Variants in MEMO1 observed in about 807,000 individuals in gnomAD.
MEMO1 encodes protein MEMO1.
Under a neutral mutation model 45.2 loss-of-function variants are expected in MEMO1, and 6 were observed. The ratio of observed to expected loss-of-function variants is 0.13; its 90% confidence interval spans 0.07 to 0.26. The LOEUF is 0.26. Among genes scored for constraint, MEMO1 ranks in the 10% least tolerant of loss-of-function variants. The pLI is 1.00. For missense variants in MEMO1, 184 were observed against 370.5 expected (o/e 0.50, Z 4.13); for synonymous variants, 78 against 124.3 (o/e 0.63, Z 2.48).
chr2:31,994,684 C>T (rs962223565), intron 2 of MEMO1, among the ~76,000 whole-genome samples: 1 of 152,068 alleles, frequency 6.6e-6, no homozygotes, highest in Non-Finnish European at 1.5e-5. Context: ...CACAGTGGCT[C>T]ATGCCTATAA....
At chr2:31,934,288 C>A (rs1451573186) in intron 3 of MEMO1, among the ~76,000 whole-genome samples, 26 of 152,116 alleles carry the variant, frequency 1.7e-4, no homozygotes. Context: ...AGGCTCTAAT[C>A]CCCAATCCAT....
intron 3 of MEMO1, among the ~76,000 whole-genome samples, chr2:31,939,313 T>C (rs1665334859): frequency 6.6e-6 from 1 of 152,216 alleles, no homozygotes; most frequent in Non-Finnish European, 1.5e-5. Context: ...TTATACGTTA[T>C]ATACAAAGTC....
chr2:31,909,445 G>C (rs923327261), intron 6 of MEMO1, among the ~76,000 whole-genome samples: 1 of 152,070 alleles, frequency 6.6e-6, no homozygotes, highest in African/African-American at 2.4e-5. Context: ...AAAATCAGTA[G>C]CATTTCTATA....
At chr2:32,003,243 A>T (rs1673632564) in intron 2 of MEMO1, among the ~76,000 whole-genome samples, 1 of 152,094 alleles carries the variant, frequency 6.6e-6, no homozygotes, top group South Asian at 2.1e-4. Context: ...AATTGTTTAG[A>T]AACATAGTAG....
rs1677084859 is a variant in MEMO1, at chr2:31,892,249, G to C, written c.438-115C>G. 3.5e-6 allele frequency: 3 copies of C among 862,730 alleles called. No homozygotes were observed. In the South Asian group the frequency reaches 6.3e-5, roughly 18 times the overall value. 53.4% of individuals were successfully genotyped at this position (862,730 alleles called of 1,614,324 possible). A position where few individuals can be genotyped will look rare whatever the true frequency, so the allele number is the denominator to read the frequency against. ...ATTAATAGTGGTAAGGATAACATAT[G>C]TAATTATTATTGATGAATTCTTAAA... is the stretch of plus-strand genomic sequence containing the variant. On this transcript the variant is annotated intron_variant, in intron 6 of 9. Transcript: ENST00000404530.
intron 2 of MEMO1, among the ~76,000 whole-genome samples, chr2:32,000,814 C>A (rs1291264721): frequency 4.6e-5 from 7 of 151,536 alleles, no homozygotes; most frequent in African/African-American, 1.7e-4. Context: ...CATGACATAG[C>A]CCTCAAGAGG....
At chr2:31,908,104 C>T (rs1283321667) in intron 6 of MEMO1, among the ~76,000 whole-genome samples, 1 of 152,082 alleles carries the variant, frequency 6.6e-6, no homozygotes, top group Non-Finnish European at 1.5e-5. Flanking sequence ...TTACATGGTA[C>T]TTGGGTCATT....
intron 2 of MEMO1, among the ~76,000 whole-genome samples, chr2:31,999,846 T>C (rs987563309): frequency 5.3e-5 from 8 of 151,986 alleles, no homozygotes; most frequent in African/African-American, 1.9e-4. Flanking sequence ...CCAGATAATG[T>C]ACAATACAAG....
rs187241054 is a variant in MEMO1, at chr2:31,967,329, G to A, written c.62-23946C>T. Among the ~76,000 whole-genome samples, 635 of 152,224 alleles carry A rather than the reference G, an allele frequency of 4.2e-3. 9 individuals are homozygous for A. Among genetic ancestry groups the A allele is most frequent in the African/African-American group, 0.015 (623 of 41,548 alleles). Reference sequence around the variant, plus strand: ...TTTAGTAGAGATGGGGTTTCACCATGTTAGCCAGGATGTCTCGATCTCCTG... The same window carrying A: ...TTTAGTAGAGATGGGGTTTCACCATATTAGCCAGGATGTCTCGATCTCCTG... On this transcript the variant is annotated intron_variant, in intron 2 of 9. Coordinates refer to ENST00000404530, the MANE Select transcript of MEMO1 (RefSeq NM_001301833.4).
chr2:32,004,084 G>A (rs1199938521), intron 2 of MEMO1, among the ~76,000 whole-genome samples: 1 of 152,162 alleles, frequency 6.6e-6, no homozygotes. Context: ...AGGAAGCTGA[G>A]GCAGGGGGAT....
At chr2:31,873,902 T>C (rs1276773749) in intron 8 of MEMO1, among the ~76,000 whole-genome samples, 1 of 152,122 alleles carries the variant, frequency 6.6e-6, no homozygotes, top group East Asian at 1.9e-4. Context: ...CTAAGTAATG[T>C]ACTAATAAAT....
intron 3 of MEMO1, among the ~76,000 whole-genome samples, chr2:31,933,383 A>ATATATATG (rs1185585265): frequency 1.8e-5 from 2 of 112,636 alleles, no homozygotes; most frequent in African/African-American, 6.4e-5. Flanking sequence ...ATATATATAT[A>ATATATATG]GAAAGGGGAA....
intron 3 of MEMO1, 149 bp downstream of exon 3, chr2:31,943,153 T>C: frequency 1.5e-6 from 1 of 655,824 alleles, no homozygotes. Context: ...TAGTCCCAAC[T>C]GCTCAGGAGG....
At chr2:31,963,867 G>A (rs920345775) in intron 2 of MEMO1, among the ~76,000 whole-genome samples, 2 of 152,108 alleles carry the variant, frequency 1.3e-5, no homozygotes, top group Non-Finnish European at 1.5e-5. Context: ...CTAATACTGA[G>A]ATGTGCTATA....
intron 2 of MEMO1, among the ~76,000 whole-genome samples, chr2:31,954,422 T>C (rs1667180590): frequency 6.6e-6 from 1 of 152,134 alleles, no homozygotes; most frequent in Non-Finnish European, 1.5e-5. Flanking sequence ...CTGTTTAACA[T>C]ACCAAGACCT....
chr2:31,891,895 A>C lies in MEMO1; in HGVS notation c.580+97T>G, dbSNP rs3754836. ...GCCAGAAGTAAAACTTTCCAAGGAA[A>C]GTGATAAAAAACTGAAAATCAGAGC... is the stretch of plus-strand genomic sequence containing the variant. On this transcript the variant is annotated intron_variant, in intron 7 of 9. Coordinates refer to ENST00000404530, the MANE Select transcript of MEMO1 (RefSeq NM_001301833.4). 5,206 of 1,261,516 alleles carry C rather than the reference A, an allele frequency of 4.1e-3. 145 individuals are homozygous for C. The East Asian group carries it at 0.072, about 17-fold the overall frequency. The allele number at this position is 1,261,516 out of a possible 1,614,324, so 78.1% of individuals were successfully genotyped here.
chr2:31,972,279 T>C (rs756343060), intron 2 of MEMO1, among the ~76,000 whole-genome samples: 3 of 152,070 alleles, frequency 2.0e-5, no homozygotes, highest in Non-Finnish European at 4.4e-5. Flanking sequence ...CCCCACCTTC[T>C]GAAGCAAGTG....
intron 2 of MEMO1, among the ~76,000 whole-genome samples, chr2:31,986,251 T>G (rs1329310982): frequency 6.6e-6 from 1 of 151,864 alleles, no homozygotes; most frequent in Non-Finnish European, 1.5e-5. Context: ...ACAAAAAAAT[T>G]AGCCGGGCGT....
At chr2:31,988,453 G>T (rs188030976) in intron 2 of MEMO1, among the ~76,000 whole-genome samples, 1 of 151,970 alleles carries the variant, frequency 6.6e-6, no homozygotes, top group African/African-American at 2.4e-5. Flanking sequence ...AGGCTGAGGC[G>T]GGAGAATCCC....
Sources: allele counts gnomAD v4.1 joint callset (sites outside exome capture counted in the v4.1 genomes callset), GRCh38; gene constraint gnomAD v4.1.1; transcripts MANE v1.5; gene names NCBI Gene and HGNC (gene_info 2026-07-23, HGNC 2026-07-21).